The following BCR variants were observed in gnomAD, a reference collection of about 807,000 sequenced individuals.
BCR encodes the protein BCR activator of RhoGEF and GTPase.
A neutral mutation model predicts 138.6 loss-of-function variants in BCR; 58 were observed. The observed-to-expected ratio is 0.42, with a 90% confidence interval of 0.34 to 0.52. BCR has a LOEUF of 0.52. Among genes scored for constraint, BCR ranks in the 20% least tolerant of loss-of-function variants. The probability of loss-of-function intolerance (pLI) is 0.06; values close to 1 mark genes in which losing one functional copy is unlikely to be tolerated. For missense variants in BCR, 1,599 were observed against 1,727.2 expected (o/e 0.93, Z 1.32); for synonymous variants, 786 against 730.1 (o/e 1.08, Z -1.23).
At chr22:23,284,229 C>T (rs559691129) in intron 9 of BCR, 131 bp downstream of exon 9, 2 of 1,349,560 alleles carry the variant, frequency 1.5e-6, no homozygotes, top group Non-Finnish European at 2.0e-6. Context: ...GGCACAATGC[C>T]AGGCTCCAGG....
At position 23,261,250 on chromosome 22, in the gene BCR, T is replaced by C. The variant is rs570068657; in HGVS notation, c.1567-105T>C. ...TTGTATTTGTTATGTGATTTAAAAA[T>C]AAAAGTGCATATGTCAGGTAACCAT... On this transcript the variant is annotated intron_variant, in intron 3 of 22. Coordinates refer to ENST00000305877, the MANE Select transcript of BCR (RefSeq NM_004327.4). 1.6e-4 allele frequency: 215 copies of C among 1,352,496 alleles called. 2 individuals carry two copies. In the East Asian group the frequency reaches 4.9e-3, roughly 31 times the overall value. 83.8% of individuals were successfully genotyped at this position (1,352,496 alleles called of 1,614,324 possible).
At chr22:23,278,801 C>T (rs868857824) in intron 8 of BCR, among the ~76,000 whole-genome samples, 1 of 152,164 alleles carries the variant, frequency 6.6e-6, no homozygotes, top group Non-Finnish European at 1.5e-5. Flanking sequence ...AGGGGTGCTA[C>T]GGAGAGGGAG....
At chr22:23,240,666 GAAAAAGAA>G (rs779732990) in intron 1 of BCR, among the ~76,000 whole-genome samples, 4 of 151,744 alleles carry the variant, frequency 2.6e-5, no homozygotes, top group South Asian at 2.1e-4. Context: ...AAAAAAAAAA[GAAAAAGAA>G]AAAAAGAAAA....
intron 2 of BCR, among the ~76,000 whole-genome samples, chr22:23,256,203 T>A (rs1385637547): frequency 6.6e-6 from 1 of 152,112 alleles, no homozygotes; most frequent in Non-Finnish European, 1.5e-5. Flanking sequence ...ATCCTGACCA[T>A]CCAGTGGGAA....
intron 22 of BCR, among the ~76,000 whole-genome samples, chr22:23,315,174 T>C (rs532429306): frequency 2.0e-3 from 299 of 152,214 alleles, no homozygotes; most frequent in African/African-American, 6.7e-3. Flanking sequence ...CAGTGATCCA[T>C]GATGGAGCCA....
At chr22:23,265,140 A>G (rs1463012066) in intron 4 of BCR, 5 of 152,216 alleles carry the variant, frequency 3.3e-5, no homozygotes, top group African/African-American at 9.6e-5. Context: ...TAAAACTTTA[A>G]TATCTGAGGA....
chr22:23,182,277 C>T (rs776161479), intron 1 of BCR, 38 bp downstream of exon 1: 19 of 1,494,526 alleles, frequency 1.3e-5, no homozygotes, highest in Middle Eastern at 1.8e-4. Flanking sequence ...CACACCTGCA[C>T]GGGGGAGGAA....
intron 16 of BCR, among the ~76,000 whole-genome samples, chr22:23,296,382 A>G: frequency 6.6e-6 from 1 of 150,382 alleles, no homozygotes; most frequent in East Asian, 1.9e-4. Context: ...TCAAAAAAAA[A>G]AAAAAAAAAA....
intron 5 of BCR, among the ~76,000 whole-genome samples, chr22:23,269,547 A>G (rs2073485144): frequency 6.6e-6 from 1 of 152,158 alleles, no homozygotes; most frequent in Non-Finnish European, 1.5e-5. Context: ...ATGGAGCATC[A>G]CGGGCTTCGC....
At chr22:23,286,669 C>A (rs917832108) in intron 10 of BCR, among the ~76,000 whole-genome samples, 1 of 152,124 alleles carries the variant, frequency 6.6e-6, no homozygotes, top group Admixed American at 6.5e-5. Flanking sequence ...AGAGTGAAAC[C>A]CATGGCTCAG....
intron 1 of BCR, among the ~76,000 whole-genome samples, chr22:23,226,158 A>G (rs556507154): frequency 7.9e-5 from 12 of 152,294 alleles, no homozygotes; most frequent in African/African-American, 2.9e-4. Flanking sequence ...CAAATGTCCT[A>G]TGCTGTTTTC....
chr22:23,312,021 T>A (rs2074013489), intron 19 of BCR, 185 bp downstream of exon 19: 2 of 1,221,418 alleles, frequency 1.6e-6, no homozygotes, highest in Non-Finnish European at 2.2e-6. Context: ...GAAACCAGTT[T>A]TTAAACCATC....
chr22:23,245,660 C>T (rs1340032835), intron 1 of BCR, among the ~76,000 whole-genome samples: 3 of 152,194 alleles, frequency 2.0e-5, no homozygotes, highest in African/African-American at 4.8e-5. Flanking sequence ...AACCACACAT[C>T]TCCGAAAGCA....
chr22:23,196,933 G>A (rs2072491272), intron 1 of BCR, among the ~76,000 whole-genome samples: 2 of 152,208 alleles, frequency 1.3e-5, no homozygotes, highest in South Asian at 4.1e-4. Flanking sequence ...GGGGGTTGGG[G>A]ACCCCTGCCC....
In BCR at chr22:23,180,570, A is replaced by AGGCGGAGGCGGC. The variant is rs2072224557; in HGVS notation, c.-386_-385insAGGCGGCGGCGG. The AGGCGGAGGCGGC allele has an allele frequency of 9.2e-6, 1 of 108,266 alleles. No homozygotes were observed. Among genetic ancestry groups the AGGCGGAGGCGGC allele is most frequent in the African/African-American group, 8.1e-5 (1 of 12,398 alleles). 6.7% of individuals were successfully genotyped at this position (108,266 alleles called of 1,614,324 possible). A position where few individuals can be genotyped will look rare whatever the true frequency, so the allele number is the denominator to read the frequency against. On this transcript the variant is annotated 5_prime_UTR_variant, in exon 1 of 23. Coordinates refer to ENST00000305877, the MANE Select transcript of BCR (RefSeq NM_004327.4). ...GGCTGGCTGAGCTTAGCGTCCGAGG[A>AGGCGGAGGCGGC]GGCGGCGGCGGCGGCGGCGGCACGG... is the stretch of plus-strand genomic sequence containing the variant.
At chr22:23,282,348 G>A (rs549114704) in intron 8 of BCR, among the ~76,000 whole-genome samples, 249 of 152,354 alleles carry the variant, frequency 1.6e-3, no homozygotes, top group African/African-American at 5.1e-3. Flanking sequence ...GGTGAGTGCC[G>A]ATGAGTCATG....
chr22:23,267,551 C>T (rs1197642444), intron 4 of BCR, among the ~76,000 whole-genome samples: 7 of 152,194 alleles, frequency 4.6e-5, no homozygotes, highest in South Asian at 2.1e-4. Context: ...CACCAGGAGC[C>T]GTGAATGCCT....
chr22:23,261,011 C>T lies in BCR; in HGVS notation c.1523C>T (p.Ala508Val). ...AAATGGGTCCTGTCGGGAATCCTGG[C>T]TAGCGAGGAGACTTACCTGAGCCAC... ...MRKWVLSGIL[A>V]SEETYLSHLE... The change falls in exon 3 of 23, where the codon GCT becomes GTT. Residue 508 changes from alanine (A) to valine (V), a missense_variant. Transcript: ENST00000305877. 6.2e-7 allele frequency: 1 copy of T among 1,613,918 alleles called. No individual in the cohort carries two copies. Among genetic ancestry groups the T allele is most frequent in the African/African-American group, 1.3e-5 (1 of 75,006 alleles).
Position 23,181,175 on chromosome 22 carries a change from G to T in BCR, c.215G>T (p.Arg72Leu). 1 of 1,371,850 alleles carries T rather than the reference G, an allele frequency of 7.3e-7. No homozygotes were observed. The highest frequency in any genetic ancestry group is 1.7e-5 in the South Asian group (1 of 60,492). The allele number at this position is 1,371,850 out of a possible 1,614,324, so 85.0% of individuals were successfully genotyped here. ...LLAKEKKSYDRQRWGFRRAAQ... is the reference protein window; with the variant it reads ...LLAKEKKSYDLQRWGFRRAAQ... ...GCCAAGGAAAAGAAGAGCTATGACC[G>T]GCAGCGATGGGGCTTCCGGCGCGCG... Residue 72 changes from arginine to leucine, a missense_variant, in exon 1 of 23, where the codon CGG becomes CTG. By Grantham distance (102) the Arg-to-Leu change is moderately radical. Coordinates refer to ENST00000305877, the MANE Select transcript of BCR (RefSeq NM_004327.4).
Sources: gnomAD v4.1 joint callset for allele counts (sites outside exome capture counted in the v4.1 genomes callset) on GRCh38, gnomAD v4.1.1 for gene constraint, MANE v1.5 for transcripts, NCBI Gene and HGNC (gene_info 2026-07-23, HGNC 2026-07-21) for gene names.